Variants in SYT14 observed in about 807,000 individuals in gnomAD.
SYT14 encodes the protein synaptotagmin-14.
Under a neutral mutation model 74.2 loss-of-function variants are expected in SYT14, and 32 were observed. The ratio of observed to expected loss-of-function variants is 0.43; its 90% CI spans 0.33 to 0.58. The LOEUF (loss-of-function observed/expected upper bound fraction) is 0.58. Ranked by LOEUF, SYT14 falls within the 20% of genes least tolerant of loss-of-function variation. The pLI, the probability that SYT14 is intolerant of heterozygous loss-of-function variation, is 0.05. For missense variants in SYT14, 791 were observed against 981.8 expected, an observed-to-expected ratio of 0.81 and a Z score of 2.60; for synonymous variants, 298 against 337.7, an observed-to-expected ratio of 0.88 and a Z score of 1.29.
At chr1:209,943,140 T>C (rs2078763591) in intron 1 of SYT14, among the ~76,000 whole-genome samples, 1 of 152,240 alleles carries the variant, frequency 6.6e-6, no homozygotes, top group African/African-American at 2.4e-5. Flanking sequence ...ATTTACAGTT[T>C]ATTCAAGGTT....
At chr1:210,054,014 T>G (rs767664875) in intron 5 of SYT14, among the ~76,000 whole-genome samples, 1 of 152,182 alleles carries the variant, frequency 6.6e-6, no homozygotes, top group Non-Finnish European at 1.5e-5. Flanking sequence ...GAAATCATTT[T>G]CCTATAGAAT....
Position 209,991,038 on chromosome 1 carries a change from C to A in SYT14, c.-485-22595C>A, listed in dbSNP as rs146728556. Among the ~76,000 whole-genome samples the A allele has an allele frequency of 9.4e-3, 1,435 of 152,232 alleles. 19 individuals are homozygous for A. Among genetic ancestry groups the A allele is most frequent in the Non-Finnish European group, 0.012 (850 of 68,016 alleles). ...ACAAAATTATACACTGGGGAAAGGA[C>A]ACCCTATTCAGTAAGTGGCGCTAGG... On this transcript the variant is annotated intron_variant, in intron 2 of 9. Coordinates refer to ENST00000637265, the Ensembl canonical transcript of SYT14.
chr1:210,094,725 T>G, intron 6 of SYT14, 132 bp downstream of exon 5: 1 of 1,105,220 alleles, frequency 9.0e-7, no homozygotes, highest in South Asian at 1.4e-5. Flanking sequence ...GTATCCATCC[T>G]TAATCTAATC....
chr1:209,977,547 G>T (rs896645702), intron 2 of SYT14, among the ~76,000 whole-genome samples: 10 of 152,166 alleles, frequency 6.6e-5, no homozygotes, highest in African/African-American at 2.4e-4. Flanking sequence ...ACTGTCTTCT[G>T]GCTTGTAGAG....
rs895789680 is a variant in SYT14, at chr1:210,109,669, G to A, written c.2034+9208G>A. On this transcript the variant is annotated intron_variant, in intron 7 of 9. Transcript: ENST00000637265. Reference sequence around the variant, plus strand: ...ATAAGAATGCTTTTACACTGTTGGTGGGAGTGTAAATTAGTTCAGCCATTG... The same window carrying A: ...ATAAGAATGCTTTTACACTGTTGGTAGGAGTGTAAATTAGTTCAGCCATTG... Among the ~76,000 whole-genome samples the A allele has an allele frequency of 9.2e-5, 14 of 152,260 alleles. No homozygotes were observed. In the South Asian group the frequency reaches 1.2e-3, roughly 14 times the overall value.
chr1:210,073,278 A>G (rs1342103228), intron 5 of SYT14, among the ~76,000 whole-genome samples: 1 of 152,034 alleles, frequency 6.6e-6, no homozygotes, highest in South Asian at 2.1e-4. Context: ...CTTACTGTGT[A>G]GTTTCAATAT....
At chr1:210,081,270 A>C (rs1250365416) in intron 5 of SYT14, among the ~76,000 whole-genome samples, 3 of 152,212 alleles carry the variant, frequency 2.0e-5, no homozygotes, top group Non-Finnish European at 2.9e-5. Context: ...ATAATACTAT[A>C]TGATATGAAC....
At chr1:210,166,482 C>G (rs1430829157) in exon 10 of SYT14, 1 of 152,288 alleles carries the variant, frequency 6.6e-6, no homozygotes, top group East Asian at 1.9e-4. Flanking sequence ...GGGAGAATCG[C>G]TGGAGCCTGG....
intron 5 of SYT14, among the ~76,000 whole-genome samples, chr1:210,042,712 T>C (rs1182434060): frequency 6.6e-6 from 1 of 152,206 alleles, no homozygotes; most frequent in African/African-American, 2.4e-5. Flanking sequence ...CATTGGTCTA[T>C]GTATCTGTTT....
chr1:209,949,573 A>G (rs2078879486), intron 1 of SYT14, among the ~76,000 whole-genome samples: 1 of 148,150 alleles, frequency 6.7e-6, no homozygotes, highest in Non-Finnish European at 1.5e-5. Flanking sequence ...CTCCGTCTCA[A>G]AAAAAAAAAA....
At chr1:210,039,808 T>G (rs545241576) in intron 5 of SYT14, among the ~76,000 whole-genome samples, 1 of 152,230 alleles carries the variant, frequency 6.6e-6, no homozygotes, top group South Asian at 2.1e-4. Context: ...ATTAGAGAAA[T>G]GCAAATCAAA....
chr1:210,050,307 C>T (rs773313125), intron 5 of SYT14, among the ~76,000 whole-genome samples: 1 of 152,220 alleles, frequency 6.6e-6, no homozygotes, highest in Non-Finnish European at 1.5e-5. Flanking sequence ...CACCTTTGCT[C>T]TGGTTCTCAA....
At chr1:210,105,302 T>C (rs2082139370) in intron 7 of SYT14, among the ~76,000 whole-genome samples, 1 of 152,230 alleles carries the variant, frequency 6.6e-6, no homozygotes, top group Admixed American at 6.5e-5. Context: ...GTTGCTCCTC[T>C]CTGCAAAAGC....
chr1:210,144,006 T>C (rs2082978301), intron 7 of SYT14, among the ~76,000 whole-genome samples: 1 of 152,144 alleles, frequency 6.6e-6, no homozygotes, highest in Admixed American at 6.5e-5. Context: ...TTTTAAAACA[T>C]GTCCAAGGTC....
At chr1:210,162,479 C>T (rs1435981079) in exon 10 of SYT14, 4 of 342,908 alleles carry the variant, frequency 1.2e-5, no homozygotes, top group African/African-American at 6.6e-5. Flanking sequence ...TTGCTTCTTA[C>T]CTAATATATC....
intron 5 of SYT14, among the ~76,000 whole-genome samples, chr1:210,060,890 G>A (rs898790435): frequency 1.3e-5 from 2 of 151,998 alleles, no homozygotes; most frequent in Non-Finnish European, 2.9e-5. Context: ...TTGATCAACA[G>A]CGTTATCTAT....
intron 5 of SYT14, among the ~76,000 whole-genome samples, chr1:210,044,194 C>CTTTT (rs1024314346): frequency 6.6e-6 from 1 of 152,112 alleles, no homozygotes; most frequent in Non-Finnish European, 1.5e-5. Flanking sequence ...GGTTCAAGCA[C>CTTTT]TTTTTGAGGC....
intron 7 of SYT14, among the ~76,000 whole-genome samples, chr1:210,101,872 T>C (rs2082073547): frequency 6.6e-6 from 1 of 151,810 alleles, no homozygotes; most frequent in Non-Finnish European, 1.5e-5. Flanking sequence ...ATGTAATTTA[T>C]CTGTTACCAA....
intron 5 of SYT14, among the ~76,000 whole-genome samples, chr1:210,082,822 C>A (rs1471701230): frequency 6.6e-6 from 1 of 152,142 alleles, no homozygotes; most frequent in African/African-American, 2.4e-5. Flanking sequence ...ACTTTACTTG[C>A]TGATGTGAGT....
Sources: allele counts gnomAD v4.1 joint callset (sites outside exome capture counted in the v4.1 genomes callset), GRCh38; gene constraint gnomAD v4.1.1; transcripts MANE v1.5; gene names NCBI Gene and HGNC (gene_info 2026-07-23, HGNC 2026-07-21).